The following ANKS1B variants were observed in gnomAD, a reference collection of about 807,000 sequenced individuals.
ANKS1B encodes the protein ankyrin repeat and sterile alpha motif domain containing 1B, also known as ankyrin repeat and sterile alpha motif domain-containing protein 1B.
In ANKS1B, 36 loss-of-function variants were observed where a neutral mutation model predicts 148.3. That is an observed-to-expected ratio of 0.24 (90% CI 0.19 to 0.32). The LOEUF (loss-of-function observed/expected upper bound fraction) is 0.32, where lower values mean the gene tolerates loss of function less well. Ranked by LOEUF, ANKS1B falls within the 10% of genes least tolerant of loss-of-function variation. The pLI, the probability that ANKS1B is intolerant of heterozygous loss-of-function variation, is 1.00. For synonymous variants in ANKS1B, 542 were observed against 560.8 expected (o/e 0.97, Z 0.47); for missense variants, 1,157 against 1,542.6 (o/e 0.75, Z 4.19).
At chr12:99,251,256 T>C (rs1244592556) in intron 12 of ANKS1B, among the ~76,000 whole-genome samples, 1 of 152,218 alleles carries the variant, frequency 6.6e-6, no homozygotes, top group Non-Finnish European at 1.5e-5. Context: ...TCTACTATTA[T>C]AACAATAATT....
intron 11 of ANKS1B, among the ~76,000 whole-genome samples, chr12:99,416,716 T>G (rs1200696283): frequency 6.6e-6 from 1 of 152,268 alleles, no homozygotes; most frequent in Non-Finnish European, 1.5e-5. Context: ...TATTGAGTTT[T>G]GAGAGTGCTT....
At chr12:99,970,254 T>C (rs1210256923) in intron 1 of ANKS1B, among the ~76,000 whole-genome samples, 1 of 152,056 alleles carries the variant, frequency 6.6e-6, no homozygotes, top group African/African-American at 2.4e-5. Context: ...GTGCTTCTGA[T>C]GGAGGACATC....
intron 12 of ANKS1B, chr12:99,341,377 AAT>A (rs2089892149): frequency 6.6e-6 from 1 of 152,118 alleles, no homozygotes. Context: ...CAACAGATGA[AAT>A]ATCCACGCAC....
intron 10 of ANKS1B, among the ~76,000 whole-genome samples, chr12:99,493,406 C>T (rs2096573165): frequency 1.3e-5 from 2 of 151,498 alleles, no homozygotes; most frequent in African/African-American, 4.9e-5. Flanking sequence ...ACAAGGGAAA[C>T]AGGACTTTAG....
chr12:98,913,832 T>C (rs368635141), intron 17 of ANKS1B, among the ~76,000 whole-genome samples: 1 of 152,176 alleles, frequency 6.6e-6, no homozygotes, highest in Non-Finnish European at 1.5e-5. Context: ...GGTTTTGCCA[T>C]GTTGGCCAGG....
At chr12:99,181,816 A>C (rs1218752682) in intron 14 of ANKS1B, among the ~76,000 whole-genome samples, 1 of 151,730 alleles carries the variant, frequency 6.6e-6, no homozygotes, top group Non-Finnish European at 1.5e-5. Flanking sequence ...ACACTCTTTT[A>C]GTTATTTTTA....
intron 11 of ANKS1B, among the ~76,000 whole-genome samples, chr12:99,411,773 T>C (rs2094716052): frequency 1.3e-5 from 2 of 152,224 alleles, no homozygotes; most frequent in South Asian, 4.1e-4. Flanking sequence ...TCTATTCCTG[T>C]ACTAACATCA....
chr12:99,211,641 A>G (rs929180076), intron 14 of ANKS1B, among the ~76,000 whole-genome samples: 4 of 152,246 alleles, frequency 2.6e-5, no homozygotes, highest in African/African-American at 9.6e-5. Flanking sequence ...GACCCGCTCC[A>G]GTTCTGCCTA....
chr12:99,030,103 T>G (rs1468638568), intron 17 of ANKS1B, among the ~76,000 whole-genome samples: 1 of 152,212 alleles, frequency 6.6e-6, no homozygotes, highest in Non-Finnish European at 1.5e-5. Flanking sequence ...TTGCAATGAC[T>G]GGCTTTCTTC....
At chr12:99,866,705 G>A (rs1221594812) in intron 1 of ANKS1B, among the ~76,000 whole-genome samples, 1 of 152,098 alleles carries the variant, frequency 6.6e-6, no homozygotes, top group African/African-American at 2.4e-5. Flanking sequence ...TTAAAGGTAT[G>A]ATACCAGTAT....
In ANKS1B at chr12:99,821,863, A is replaced by G. The variant is rs555430656; in HGVS notation, c.215+3446T>C. On this transcript the variant is annotated intron_variant, in intron 2 of 26. Coordinates refer to ENST00000683438, the MANE Select transcript of ANKS1B (RefSeq NM_001352186.2). The stretch of plus-strand genomic sequence containing the variant: ...TCCTGGTGACTCAGGTAAAAAAAGA[A>G]TAACAACATTCTCCTTTAAAATATT... 3.3e-5 allele frequency among the ~76,000 whole-genome samples: 5 copies of G among 152,220 alleles called. No homozygotes were observed. In the South Asian group the frequency reaches 1.0e-3, roughly 32 times the overall value.
intron 25 of ANKS1B, among the ~76,000 whole-genome samples, chr12:98,768,843 A>G (rs1593151481): frequency 6.6e-6 from 1 of 151,808 alleles, no homozygotes; most frequent in African/African-American, 2.4e-5. Context: ...AGAGTCCCAT[A>G]GTACGTAAAC....
chr12:99,764,848 T>A (rs942700146), intron 8 of ANKS1B, among the ~76,000 whole-genome samples: 1 of 152,230 alleles, frequency 6.6e-6, no homozygotes, highest in South Asian at 2.1e-4. Context: ...TATTTAACAT[T>A]TGCAGTGAGG....
intron 9 of ANKS1B, among the ~76,000 whole-genome samples, chr12:99,541,054 C>G (rs1023653254): frequency 1.3e-5 from 2 of 151,982 alleles, no homozygotes; most frequent in Non-Finnish European, 1.5e-5. Context: ...CAAAATCCTA[C>G]CAAAACTGAC....
chr12:99,403,148 CTTTCTTTTT>C (rs1169641937), intron 11 of ANKS1B, among the ~76,000 whole-genome samples: 3 of 90,226 alleles, frequency 3.3e-5, no homozygotes, highest in South Asian at 6.7e-4. Context: ...GTTCACTTTT[CTTTCTTTTT>C]TTTTTTTTTT....
At chr12:99,040,446 T>C in intron 17 of ANKS1B, among the ~76,000 whole-genome samples, 1 of 152,188 alleles carries the variant, frequency 6.6e-6, no homozygotes, top group East Asian at 1.9e-4. Flanking sequence ...TTGGAAACTT[T>C]CTCTGCAAGG....
intron 1 of ANKS1B, among the ~76,000 whole-genome samples, chr12:99,950,751 T>A (rs867730854): frequency 3.9e-5 from 6 of 152,008 alleles, no homozygotes; most frequent in Non-Finnish European, 7.4e-5. Flanking sequence ...TAACCCTCCA[T>A]CCTTTTTCTC....
intron 10 of ANKS1B, among the ~76,000 whole-genome samples, chr12:99,477,872 T>C (rs1438577183): frequency 6.6e-6 from 1 of 152,090 alleles, no homozygotes; most frequent in Non-Finnish European, 1.5e-5. Context: ...ATTTCTCTCA[T>C]AGAAATAAAG....
chr12:99,738,992 G>C (rs2059851564), intron 8 of ANKS1B, among the ~76,000 whole-genome samples: 1 of 151,982 alleles, frequency 6.6e-6, no homozygotes, highest in Admixed American at 6.6e-5. Flanking sequence ...GGAATATTAA[G>C]TCCTCTAGTG....
Sources: gnomAD v4.1 joint callset for allele counts (sites outside exome capture counted in the v4.1 genomes callset) on GRCh38, gnomAD v4.1.1 for gene constraint, MANE v1.5 for transcripts, NCBI Gene and HGNC (gene_info 2026-07-23, HGNC 2026-07-21) for gene names.